The following ANK2 variants were observed in gnomAD, a reference collection of about 807,000 sequenced individuals.
The protein encoded by ANK2 is ankyrin-2.
A neutral mutation model predicts 360.5 loss-of-function variants in ANK2; 83 were observed. The observed-to-expected ratio is 0.23, with a 90% CI of 0.19 to 0.28. The LOEUF is 0.28. Ranked by LOEUF, ANK2 falls within the 10% of genes least tolerant of loss-of-function variation. ANK2 has a pLI of 1.00. For synonymous variants in ANK2, 1,740 were observed against 1,759.5 expected, an observed-to-expected ratio of 0.99 and a Z score of 0.28; for missense variants, 4,201 against 4,795.7, an observed-to-expected ratio of 0.88 and a Z score of 3.66.
chr4:113,061,678 A>G (rs902682390), intron 1 of ANK2, among the ~76,000 whole-genome samples: 27 of 152,146 alleles, frequency 1.8e-4, no homozygotes, highest in African/African-American at 5.3e-4. Flanking sequence ...TGCCATAACC[A>G]TACTCCAATT....
chr4:112,891,618 C>A (rs1001174545), intron 1 of ANK2, among the ~76,000 whole-genome samples: 2 of 152,120 alleles, frequency 1.3e-5, no homozygotes, highest in African/African-American at 4.8e-5. Context: ...TATTTACTAG[C>A]CATCTTATAT....
rs539513840 is a variant in ANK2, at chr4:113,107,724, A to G, written c.84+57912A>G. On this transcript the variant is annotated intron_variant, in intron 1 of 45. Transcript: ENST00000357077. ...TATTCATGTTTTGTTTCAGAACAAT[A>G]ATCATAGTAGTATCATTTATTGATC... Among the ~76,000 whole-genome samples the G allele has an allele frequency of 2.0e-5, 3 of 152,316 alleles. No homozygotes were observed. The East Asian group carries it at 5.8e-4, about 29-fold the overall frequency.
chr4:112,783,492 C>G, the ANK2 span, among the ~76,000 whole-genome samples: 3 of 152,112 alleles, frequency 2.0e-5, no homozygotes, highest in African/African-American at 7.2e-5. Context: ...TGAACTTGTA[C>G]TTCACATGAA....
intron 1 of ANK2, among the ~76,000 whole-genome samples, chr4:112,864,956 C>T (rs2069766003): frequency 7.2e-6 from 1 of 138,788 alleles, no homozygotes; most frequent in African/African-American, 2.7e-5. Flanking sequence ...GGCGTGAACC[C>T]AGGAGGCGGA....
At chr4:113,142,968 A>C (rs2096691837) in intron 1 of ANK2, among the ~76,000 whole-genome samples, 1 of 151,344 alleles carries the variant, frequency 6.6e-6, no homozygotes, top group Non-Finnish European at 1.5e-5. Flanking sequence ...GTCACACTTA[A>C]ATATGTTTAA....
At position 113,360,875 on chromosome 4, in the gene ANK2, T is replaced by G. The variant is rs767725839; in HGVS notation, c.10734T>G (p.Asp3578Glu). Residue 3578 changes from aspartate to glutamate, a missense_variant, in exon 39 of 46, where the codon GAT (aspartate) becomes GAG (glutamate). By Grantham distance (45) the Asp-to-Glu change is conservative (BLOSUM62 2). Coordinates refer to ENST00000357077, the MANE Select transcript of ANK2 (RefSeq NM_001148.6). ...AGGAAAGGCTGGCTTATATTGCTGA[T>G]CACCTTGGCTTCAGCTGGACAGGTA... ...RIEERLAYIA[D>E]HLGFSWTELA... 4 of 1,612,800 alleles carry G rather than the reference T, an allele frequency of 2.5e-6. No individual in the cohort carries two copies. The East Asian group carries it at 8.9e-5, about 36-fold the overall frequency.
chr4:113,359,135 A>G lies in ANK2; in HGVS notation c.10517A>G (p.Glu3506Gly). 6.2e-7 allele frequency: 1 copy of G among 1,614,064 alleles called. No individual in the cohort carries two copies. Among genetic ancestry groups the G allele is most frequent in the Non-Finnish European group, 8.5e-7 (1 of 1,179,948 alleles). ...EREQEIVSDD[E>G]SSSALEVSVI... Reference sequence around the variant, plus strand: ...GAGCAGGAAATAGTTTCAGACGATGAAAGTAGTAGTGCCCTGGAAGTATCA... The same window carrying G: ...GAGCAGGAAATAGTTTCAGACGATGGAAGTAGTAGTGCCCTGGAAGTATCA... Residue 3506 changes from glutamate to glycine, a missense_variant, in exon 38 of 46, where the codon GAA (glutamate) becomes GGA (glycine). Physicochemically the swap from Glu to Gly is moderately conservative, Grantham distance 98. Coordinates refer to ENST00000357077, the MANE Select transcript of ANK2 (RefSeq NM_001148.6).
At chr4:113,252,958 T>C (rs1334568922) in intron 10 of ANK2, among the ~76,000 whole-genome samples, 1 of 152,238 alleles carries the variant, frequency 6.6e-6, no homozygotes, top group Non-Finnish European at 1.5e-5. Context: ...CGATCCCTGC[T>C]ATCTGACCAT....
chr4:113,056,752 A>G (rs2070142858), intron 1 of ANK2, among the ~76,000 whole-genome samples: 1 of 152,148 alleles, frequency 6.6e-6, no homozygotes, highest in Non-Finnish European at 1.5e-5. Flanking sequence ...AGGGAGGGTC[A>G]TTTTTAAAAA....
intron 30 of ANK2, 86 bp downstream of exon 30, chr4:113,336,143 T>G: frequency 7.2e-7 from 1 of 1,379,678 alleles, no homozygotes; most frequent in Non-Finnish European, 1.0e-6. Flanking sequence ...GTTACCTTTG[T>G]TTTATAATCA....
Position 112,854,709 on chromosome 4 carries a change from A to G in ANK2, c.-40+36445A>G, listed in dbSNP as rs952983926. Among the ~76,000 whole-genome samples, 12 of 152,276 alleles carry G rather than the reference A, an allele frequency of 7.9e-5. No homozygotes were observed. In the East Asian group the frequency reaches 2.3e-3, roughly 29 times the overall value. ...GACCAACATTGGAACTGCAGGAGGAAGATTGGCTTTAGGAGGAAAACATTA... is the reference window on the plus strand; with the variant it reads ...GACCAACATTGGAACTGCAGGAGGAGGATTGGCTTTAGGAGGAAAACATTA... On this transcript the variant is annotated intron_variant, in intron 1 of 30. Transcript: ENST00000503271.
At chr4:112,799,817 C>T in the ANK2 span, among the ~76,000 whole-genome samples, 3 of 127,120 alleles carry the variant, frequency 2.4e-5, no homozygotes, top group Admixed American at 2.9e-4. Context: ...CGCGCCCAGC[C>T]CACCTCTTTT....
At chr4:112,899,903 G>A (rs1580792390) in intron 1 of ANK2, among the ~76,000 whole-genome samples, 2 of 152,114 alleles carry the variant, frequency 1.3e-5, no homozygotes, top group East Asian at 3.9e-4. Flanking sequence ...AAAACCACAG[G>A]CTGAATGAAT....
chr4:113,129,571 A>G (rs981066470), intron 1 of ANK2, among the ~76,000 whole-genome samples: 13 of 152,216 alleles, frequency 8.5e-5, no homozygotes, highest in African/African-American at 3.1e-4. Flanking sequence ...TGCAAGTTTT[A>G]CATAAATTAT....
chr4:112,817,364 G>T (rs529034668), upstream of ANK2, among the ~76,000 whole-genome samples: 4 of 152,058 alleles, frequency 2.6e-5, no homozygotes, highest in East Asian at 7.7e-4. Context: ...TTTTGGACTG[G>T]GTATATAGTA....
intron 1 of ANK2, among the ~76,000 whole-genome samples, chr4:113,109,088 C>G (rs145875834): frequency 1.3e-5 from 2 of 151,704 alleles, no homozygotes; most frequent in African/African-American, 2.4e-5. Flanking sequence ...TCTGTTCTTA[C>G]GCAAAGCAGT....
intron 2 of ANK2, among the ~76,000 whole-genome samples, chr4:112,927,711 T>C (rs142725660): frequency 7.9e-5 from 12 of 152,350 alleles, no homozygotes; most frequent in Non-Finnish European, 1.3e-4. Flanking sequence ...TTTACTAAAC[T>C]ATAGTCATAA....
chr4:112,823,583 A>AAC, intron 1 of ANK2, among the ~76,000 whole-genome samples: 1 of 152,166 alleles, frequency 6.6e-6, no homozygotes, highest in East Asian at 1.9e-4. Context: ...AAAAAAAAAA[A>AAC]AATGCAAAGT....
At chr4:113,076,278 T>A (rs2079922456) in intron 1 of ANK2, among the ~76,000 whole-genome samples, 1 of 152,220 alleles carries the variant, frequency 6.6e-6, no homozygotes, top group Non-Finnish European at 1.5e-5. Flanking sequence ...TTCAAATCCA[T>A]CCTTGGCCGC....
Sources: gnomAD v4.1 joint callset for allele counts (sites outside exome capture counted in the v4.1 genomes callset) on GRCh38, gnomAD v4.1.1 for gene constraint, MANE v1.5 for transcripts, NCBI Gene and HGNC (gene_info 2026-07-23, HGNC 2026-07-21) for gene names.